The following CNKSR2 variants were observed in gnomAD, a reference collection of about 807,000 sequenced individuals.
CNKSR2 encodes CNK homolog protein 2.
A neutral mutation model predicts 84.4 loss-of-function variants in CNKSR2; 14 were observed. That is an observed-to-expected ratio of 0.17 (90% CI 0.11 to 0.26). The LOEUF is 0.26. CNKSR2 is among the 10% of genes least tolerant of loss of function. The probability of loss-of-function intolerance (pLI) is 1.00; values close to 1 mark genes in which losing one functional copy is unlikely to be tolerated. For synonymous variants in CNKSR2, 275 were observed against 277.9 expected, an observed-to-expected ratio of 0.99 and a Z score of 0.10; for missense variants, 485 against 771.2, an observed-to-expected ratio of 0.63 and a Z score of 4.40.
intron 4 of CNKSR2, among the ~76,000 whole-genome samples, chrX:21,466,785 A>T (rs1442074359): frequency 9.0e-6 from 1 of 111,074 alleles, no homozygotes; most frequent in Admixed American, 9.6e-5. Flanking sequence ...GGGTTTCACC[A>T]TGTTGGCCAG....
At chrX:21,525,564 G>A (rs2147112191) in intron 9 of CNKSR2, among the ~76,000 whole-genome samples, 1 of 110,524 alleles carries the variant, frequency 9.0e-6, no homozygotes, top group East Asian at 2.8e-4. Flanking sequence ...AAGCTATTAA[G>A]GTGAGCTGTA....
At chrX:21,416,874 A>T (rs1465338790) in intron 1 of CNKSR2, among the ~76,000 whole-genome samples, 1 of 111,210 alleles carries the variant, frequency 9.0e-6, no homozygotes, top group African/African-American at 3.3e-5. Flanking sequence ...TCAAAATGCG[A>T]ATTTTTTGTT....
chrX:21,407,841 A>G (rs969528522), intron 1 of CNKSR2, among the ~76,000 whole-genome samples: 9 of 112,065 alleles, frequency 8.0e-5, no homozygotes, highest in African/African-American at 2.6e-4. Context: ...TGGTGCTATA[A>G]CCAAAAGAAC....
At chrX:21,525,458 A>T (rs1163353029) in intron 9 of CNKSR2, among the ~76,000 whole-genome samples, 1 of 111,261 alleles carries the variant, frequency 9.0e-6, no homozygotes, top group African/African-American at 3.3e-5. Context: ...CTCCCAAATT[A>T]CATTATCATT....
chrX:21,530,857 T>A (rs1344746561), intron 10 of CNKSR2, among the ~76,000 whole-genome samples: 1 of 110,913 alleles, frequency 9.0e-6, no homozygotes, highest in Non-Finnish European at 1.9e-5. Flanking sequence ...TAATCTGGGC[T>A]TAATTACCTA....
At chrX:21,555,470 A>G (rs1474383761) in intron 11 of CNKSR2, among the ~76,000 whole-genome samples, 1 of 111,434 alleles carries the variant, frequency 9.0e-6, no homozygotes, top group Non-Finnish European at 1.9e-5. Flanking sequence ...TTTAAAAATT[A>G]CTGACTTTCC....
intron 20 of CNKSR2, among the ~76,000 whole-genome samples, chrX:21,628,968 C>G (rs1234198079): frequency 1.8e-5 from 2 of 112,271 alleles, no homozygotes; most frequent in Non-Finnish European, 3.8e-5. Context: ...TGCTCTGTTT[C>G]CCTTTTAAAA....
chrX:21,547,381 A>G (rs1315899038), intron 11 of CNKSR2, among the ~76,000 whole-genome samples: 1 of 111,831 alleles, frequency 8.9e-6, no homozygotes, highest in Non-Finnish European at 1.9e-5. Context: ...AGAGCTAACT[A>G]TCCTAAATAT....
At chrX:21,446,024 CCATAATGG>C (rs2090850103) in intron 4 of CNKSR2, among the ~76,000 whole-genome samples, 1 of 111,466 alleles carries the variant, frequency 9.0e-6, no homozygotes, top group South Asian at 3.7e-4. Flanking sequence ...ATTCTGTTTT[CCATAATGG>C]CACTACAAAT....
chrX:21,515,750 A>G (rs1328813216), intron 8 of CNKSR2, among the ~76,000 whole-genome samples: 1 of 111,776 alleles, frequency 8.9e-6, no homozygotes, highest in Non-Finnish European at 1.9e-5. Flanking sequence ...CGATTTCAAG[A>G]CATTTATCAA....
chrX:21,581,542 G>T (rs2092352995), intron 13 of CNKSR2, among the ~76,000 whole-genome samples: 1 of 111,920 alleles, frequency 8.9e-6, no homozygotes, highest in South Asian at 3.8e-4. Flanking sequence ...ATAGGATCTG[G>T]TCAATTCAAG....
chrX:21,376,668 G>T (rs2089821381), intron 1 of CNKSR2, among the ~76,000 whole-genome samples: 1 of 112,255 alleles, frequency 8.9e-6, no homozygotes, highest in Admixed American at 9.4e-5. Context: ...AAGCAACAAT[G>T]CTTAAAACCC....
intron 13 of CNKSR2, among the ~76,000 whole-genome samples, chrX:21,590,229 T>C (rs1305888981): frequency 8.9e-6 from 1 of 111,985 alleles, no homozygotes; most frequent in African/African-American, 3.2e-5. Context: ...TTAGATTTTG[T>C]GAGACTCAAA....
At chrX:21,540,947 G>C (rs1033365066) in intron 11 of CNKSR2, among the ~76,000 whole-genome samples, 6 of 111,025 alleles carry the variant, frequency 5.4e-5, no homozygotes, top group African/African-American at 2.0e-4. Flanking sequence ...CAGTGACAAA[G>C]AAACACAGAT....
At chrX:21,595,141 T>C in intron 16 of CNKSR2, 94 bp downstream of exon 16, 2 of 754,119 alleles carry the variant, frequency 2.7e-6, no homozygotes, top group Admixed American at 3.0e-5. Context: ...GCTTTCACAT[T>C]GAGGTAATAA....
chrX:21,416,783 C>T (rs1043161371), intron 1 of CNKSR2, among the ~76,000 whole-genome samples: 6 of 111,071 alleles, frequency 5.4e-5, no homozygotes, highest in Non-Finnish European at 1.1e-4. Flanking sequence ...GTAATGTGTC[C>T]GTTTTTACCT....
At chrX:21,542,183 T>C (rs1325467899) in intron 11 of CNKSR2, among the ~76,000 whole-genome samples, 1 of 112,379 alleles carries the variant, frequency 8.9e-6, no homozygotes. Flanking sequence ...CCTAAAAAGA[T>C]AGACAGGAAT....
chrX:21,570,189 C>A (rs940547031), intron 13 of CNKSR2, among the ~76,000 whole-genome samples: 2 of 112,480 alleles, frequency 1.8e-5, no homozygotes, highest in Non-Finnish European at 3.8e-5. Flanking sequence ...TCTTCCACTG[C>A]AAGGCATTTC....
intron 1 of CNKSR2, among the ~76,000 whole-genome samples, chrX:21,419,356 A>G (rs2090463499): frequency 9.0e-6 from 1 of 110,656 alleles, no homozygotes; most frequent in Non-Finnish European, 1.9e-5. Context: ...TGAATTCTCT[A>G]CCTGAAATGT....
Sources: gnomAD v4.1 joint callset for allele counts (sites outside exome capture counted in the v4.1 genomes callset) on GRCh38, gnomAD v4.1.1 for gene constraint, MANE v1.5 for transcripts, NCBI Gene and HGNC (gene_info 2026-07-23, HGNC 2026-07-21) for gene names.